Variants in WWOX observed in about 807,000 individuals in gnomAD.
WWOX encodes the protein WW domain-containing oxidoreductase.
Under a neutral mutation model 46.2 loss-of-function variants are expected in WWOX, and 69 were observed. The observed-to-expected ratio is 1.49, with a 90% CI of 1.23 to 1.82. The LOEUF (loss-of-function observed/expected upper bound fraction) is 1.82, where lower values mean the gene tolerates loss of function less well. Among genes scored for constraint, WWOX ranks in the 40% most tolerant of loss-of-function variants. The pLI is 0.00. For synonymous variants in WWOX, 359 were observed against 202.6 expected (o/e 1.77, Z -6.56); for missense variants, 919 against 542.6 (o/e 1.69, Z -6.89).
intron 8 of WWOX, chr16:78,981,886 C>G (rs887295192): frequency 1.3e-5 from 2 of 152,148 alleles, no homozygotes; most frequent in African/African-American, 4.8e-5. Flanking sequence ...CAGGTGCCCC[C>G]CGAAAAGCAA....
intron 8 of WWOX, among the ~76,000 whole-genome samples, chr16:78,716,198 C>T (rs1379790919): frequency 6.6e-6 from 1 of 151,940 alleles, no homozygotes. Flanking sequence ...TGAAGAAAAA[C>T]ATAGGGCCGT....
intron 8 of WWOX, among the ~76,000 whole-genome samples, chr16:78,830,413 A>G (rs371305795): frequency 6.6e-6 from 1 of 151,976 alleles, no homozygotes; most frequent in East Asian, 1.9e-4. Context: ...ACTGGTTTCT[A>G]TGGCTCTCCC....
chr16:78,883,610 G>C (rs1013470572), intron 8 of WWOX, among the ~76,000 whole-genome samples: 8 of 151,952 alleles, frequency 5.3e-5, no homozygotes, highest in African/African-American at 1.9e-4. Context: ...TGTAATCCCA[G>C]CTACTCAGGA....
At chr16:78,839,710 A>G (rs2052087132) in intron 8 of WWOX, among the ~76,000 whole-genome samples, 1 of 152,298 alleles carries the variant, frequency 6.6e-6, no homozygotes, top group Non-Finnish European at 1.5e-5. Flanking sequence ...TTTGGAAAAT[A>G]CATCCCTGGT....
chr16:78,503,263 G>C (rs376127972), intron 8 of WWOX, among the ~76,000 whole-genome samples: 1 of 152,032 alleles, frequency 6.6e-6, no homozygotes, highest in African/African-American at 2.4e-5. Context: ...GTAAAATCTG[G>C]AATCTGCTCT....
chr16:78,727,118 G>A (rs779190655), intron 8 of WWOX, among the ~76,000 whole-genome samples: 6 of 152,222 alleles, frequency 3.9e-5, no homozygotes, highest in African/African-American at 1.4e-4. Context: ...ATGAGGCCCA[G>A]TGGGGCACAG....
chr16:78,307,669 C>G (rs537219873), intron 5 of WWOX, among the ~76,000 whole-genome samples: 2 of 152,200 alleles, frequency 1.3e-5, no homozygotes, highest in South Asian at 4.2e-4. Context: ...GTTTTAAGAC[C>G]TAAGATCATG....
chr16:78,612,954 C>G (rs1236420775), intron 8 of WWOX, among the ~76,000 whole-genome samples: 2 of 152,210 alleles, frequency 1.3e-5, no homozygotes, highest in Non-Finnish European at 2.9e-5. Context: ...TCTGGGGTCA[C>G]TACCAACCTT....
At chr16:78,628,442 C>T (rs1219489094) in intron 8 of WWOX, among the ~76,000 whole-genome samples, 4 of 152,170 alleles carry the variant, frequency 2.6e-5, no homozygotes. Flanking sequence ...ATCAGTATTT[C>T]TATCAAGCTC....
intron 8 of WWOX, among the ~76,000 whole-genome samples, chr16:78,763,410 G>A (rs1274750960): frequency 2.0e-5 from 3 of 152,150 alleles, no homozygotes; most frequent in African/African-American, 7.2e-5. Flanking sequence ...TATCTACCAG[G>A]CAGTGGCCTG....
At chr16:79,072,534 A>C (rs2048570890) in intron 8 of WWOX, among the ~76,000 whole-genome samples, 1 of 152,182 alleles carries the variant, frequency 6.6e-6, no homozygotes, top group South Asian at 2.1e-4. Context: ...AGATCTCATT[A>C]ATCTGTATTC....
intron 8 of WWOX, among the ~76,000 whole-genome samples, chr16:78,727,871 A>G (rs138427329): frequency 6.6e-6 from 1 of 152,116 alleles, no homozygotes; most frequent in East Asian, 1.9e-4. Flanking sequence ...TCAGGACTCT[A>G]AACTCTTAGT....
intron 8 of WWOX, among the ~76,000 whole-genome samples, chr16:78,955,179 C>T (rs1435676297): frequency 6.6e-6 from 1 of 152,184 alleles, no homozygotes; most frequent in African/African-American, 2.4e-5. Context: ...GGAGGAGAGA[C>T]TGCAGGGGTC....
intron 4 of WWOX, among the ~76,000 whole-genome samples, chr16:78,148,851 T>C (rs1443201482): frequency 7.7e-6 from 1 of 129,460 alleles, no homozygotes; most frequent in Non-Finnish European, 1.5e-5. Flanking sequence ...TGAGCCGAGA[T>C]TGCGCCACTG....
At chr16:78,846,117 T>C (rs562781061) in intron 8 of WWOX, among the ~76,000 whole-genome samples, 1 of 152,144 alleles carries the variant, frequency 6.6e-6, no homozygotes, top group Non-Finnish European at 1.5e-5. Context: ...TTGGGAAAGG[T>C]TGGTTGGTTG....
chr16:79,072,950 C>T lies in WWOX; in HGVS notation c.1057-138658C>T, dbSNP rs577480161. Among the ~76,000 whole-genome samples, 5 of 152,202 alleles carry T rather than the reference C, an allele frequency of 3.3e-5. No individual in the cohort carries two copies. In the East Asian group the frequency reaches 9.7e-4, roughly 29 times the overall value. On this transcript the variant is annotated intron_variant, in intron 8 of 8. Coordinates refer to ENST00000566780, the MANE Select transcript of WWOX (RefSeq NM_016373.4). ...TGGAAGTGTTTTCCCCATTTGGACT[C>T]CGGGTCATTGACAAACGTCATCACT...
At chr16:78,856,561 T>G (rs2052571657) in intron 8 of WWOX, among the ~76,000 whole-genome samples, 1 of 152,138 alleles carries the variant, frequency 6.6e-6, no homozygotes, top group African/African-American at 2.4e-5. Flanking sequence ...GAGAATCCCT[T>G]GAACCCAGGA....
At chr16:78,545,926 A>G (rs765870895) in intron 8 of WWOX, among the ~76,000 whole-genome samples, 13 of 152,134 alleles carry the variant, frequency 8.5e-5, no homozygotes, top group Non-Finnish European at 1.3e-4. Flanking sequence ...CGCTTATGAC[A>G]TCATTTAACT....
intron 8 of WWOX, among the ~76,000 whole-genome samples, chr16:78,724,762 A>G (rs1000521492): frequency 1.3e-5 from 2 of 152,056 alleles, no homozygotes; most frequent in African/African-American, 2.4e-5. Context: ...TGAAGGAGAC[A>G]TTTTCTGGGG....
Sources: allele counts gnomAD v4.1 joint callset (sites outside exome capture counted in the v4.1 genomes callset), GRCh38; gene constraint gnomAD v4.1.1; transcripts MANE v1.5; gene names NCBI Gene and HGNC (gene_info 2026-07-23, HGNC 2026-07-21).